SPTBN4: variants seen among roughly 807,000 people sequenced by gnomAD.
The protein encoded by SPTBN4 is spectrin beta chain, non-erythrocytic 4.
SPTBN4 carries 96 observed loss-of-function variants against 277.8 expected under a neutral mutation model. The ratio of observed to expected loss-of-function variants is 0.35; its 90% CI spans 0.29 to 0.41. The LOEUF is 0.41. Ranked by LOEUF, SPTBN4 falls within the 10% of genes least tolerant of loss-of-function variation. The probability of loss-of-function intolerance (pLI) is 1.00; values close to 1 mark genes in which losing one functional copy is unlikely to be tolerated. For missense variants in SPTBN4, 3,006 were observed against 3,595.7 expected (o/e 0.84, Z 4.19); for synonymous variants, 1,481 against 1,580.3 (o/e 0.94, Z 1.49).
intron 13 of SPTBN4, among the ~76,000 whole-genome samples, chr19:40,507,488 G>C (rs908156239): frequency 6.6e-6 from 1 of 151,698 alleles, no homozygotes; most frequent in Non-Finnish European, 1.5e-5. Flanking sequence ...AGGATTGCTT[G>C]AGGCCAGGAG....
Position 40,566,304 on chromosome 19 carries a change from G to C in SPTBN4, c.6281G>C (p.Arg2094Pro). 6.3e-7 allele frequency: 1 copy of C among 1,594,214 alleles called. No individual in the cohort carries two copies. Among genetic ancestry groups the C allele is most frequent in the Non-Finnish European group, 8.5e-7 (1 of 1,170,394 alleles). Residue 2094 changes from arginine (R) to proline (P), a missense_variant, in exon 30 of 36, where the codon CGC (arginine) becomes CCC (proline). Around this residue, in one of 5 missense-constraint regions of SPTBN4, gnomAD observed 630 missense variants for 677.6 expected, o/e 0.93. Coordinates refer to ENST00000598249, the MANE Select transcript of SPTBN4 (RefSeq NM_020971.3). ...EQLIRRHEAF[R>P]KAAAAWEERF... is the part of the protein sequence containing the mutation. ...CTTATCCGGCGACATGAGGCCTTCCGCAAAGCGGCTGCAGCCTGGGAAGAG... is the reference window on the plus strand; with the variant it reads ...CTTATCCGGCGACATGAGGCCTTCCCCAAAGCGGCTGCAGCCTGGGAAGAG...
Position 40,531,220 on chromosome 19 carries a change from A to G in SPTBN4, c.3949-1405A>G, listed in dbSNP as rs368779632. On this transcript the variant is annotated intron_variant, in intron 18 of 35. Transcript: ENST00000598249. The stretch of plus-strand genomic sequence containing the variant: ...CCATCTCTTTAAGGGCTCTGCTTTC[A>G]CTGCGGGCTGTGGTTGCCGTTGGAC... Among the ~76,000 whole-genome samples the G allele has an allele frequency of 1.2e-4, 18 of 152,072 alleles. 1 individual carries two copies. The highest frequency in any genetic ancestry group is 4.3e-4 in the African/African-American group (18 of 41,478).
At chr19:40,575,337 C>T in intron 35 of SPTBN4, 74 bp from the exon 36 acceptor site, 1 of 1,509,602 alleles carries the variant, frequency 6.6e-7, no homozygotes, top group South Asian at 1.2e-5. Flanking sequence ...AGAGGGTAGT[C>T]TGATCTGAAA....
At chr19:40,534,847 T>C (rs2080717205) in intron 20 of SPTBN4, 1 of 165,922 alleles carries the variant, frequency 6.0e-6, no homozygotes, top group Admixed American at 5.6e-5. Flanking sequence ...GACACACAGC[T>C]AACCAGTGTC....
In SPTBN4 at chr19:40,519,870, G is replaced by A. The variant is rs1333628430; in HGVS notation, c.3373G>A (p.Ala1125Thr). The A allele has an allele frequency of 1.3e-6, 2 of 1,498,110 alleles. No homozygotes were observed. Among genetic ancestry groups the A allele is most frequent in the Non-Finnish European group, 1.8e-6 (2 of 1,133,914 alleles). The allele number at this position is 1,498,110 out of a possible 1,614,324, so 92.8% of individuals were successfully genotyped here. ...GCCCCTGCCCAACAGCCTAGAAGAGGCGGACGCGCTGCTGGCGCGCCACGC... is the reference window on the plus strand; with the variant it reads ...GCCCCTGCCCAACAGCCTAGAAGAGACGGACGCGCTGCTGGCGCGCCACGC... The part of the protein sequence containing the change: ...EGPLPNSLEE[A>T]DALLARHAAL... The change falls in exon 16 of 36, where the codon GCG (alanine) becomes ACG (threonine). Residue 1125 changes from alanine to threonine, a missense_variant. Ala to Thr is a moderately conservative substitution (Grantham distance 58, BLOSUM62 0). Coordinates refer to ENST00000598249, the MANE Select transcript of SPTBN4 (RefSeq NM_020971.3). This position sits in a 1 kb window ranked among gnomAD's most constrained non-coding sequence, Gnocchi z 5.7.
intron 3 of SPTBN4, among the ~76,000 whole-genome samples, chr19:40,489,780 T>TG (rs1555811083): frequency 0.016 from 2,471 of 152,036 alleles, 74 homozygotes; most frequent in African/African-American, 0.058. Context: ...GGCTTCATGA[T>TG]GGGGGCGTGG....
chr19:40,540,814 CAAAAAAAA>C (rs58695945), intron 20 of SPTBN4, among the ~76,000 whole-genome samples: 4 of 79,338 alleles, frequency 5.0e-5, no homozygotes, highest in South Asian at 1.0e-3. Flanking sequence ...ACCCCCATCT[CAAAAAAAA>C]AAAAAAAAAA....
chr19:40,541,808 G>A (rs576654787), intron 20 of SPTBN4, among the ~76,000 whole-genome samples: 3 of 151,148 alleles, frequency 2.0e-5, no homozygotes, highest in Admixed American at 6.6e-5. Context: ...GCAGTGGCGC[G>A]ATCTTGGCTC....
intron 4 of SPTBN4, among the ~76,000 whole-genome samples, chr19:40,492,387 A>G (rs2080148595): frequency 6.6e-6 from 1 of 152,136 alleles, no homozygotes; most frequent in Non-Finnish European, 1.5e-5. Context: ...GGGATGTTCC[A>G]GGTAGATGGA....
intron 20 of SPTBN4, among the ~76,000 whole-genome samples, chr19:40,541,289 C>T (rs1490604277): frequency 6.6e-6 from 1 of 152,100 alleles, no homozygotes; most frequent in African/African-American, 2.4e-5. Context: ...GGGCTGAAGC[C>T]CAGAGGAGAC....
At chr19:40,500,079 C>T (rs1317929891) in intron 7 of SPTBN4, among the ~76,000 whole-genome samples, 1 of 149,902 alleles carries the variant, frequency 6.7e-6, no homozygotes, top group Non-Finnish European at 1.5e-5. Context: ...CCCATATCTA[C>T]AAACCTGTAG....
intron 27 of SPTBN4, among the ~76,000 whole-genome samples, chr19:40,563,220 AT>A (rs879536950): frequency 6.9e-4 from 102 of 148,260 alleles, no homozygotes; most frequent in Non-Finnish European, 1.1e-3. Flanking sequence ...TTAAAAAAAA[AT>A]TTTTTTTTTT....
intron 25 of SPTBN4, 68 bp downstream of exon 25, chr19:40,556,356 A>C: frequency 7.1e-7 from 1 of 1,411,018 alleles, no homozygotes; most frequent in Non-Finnish European, 9.7e-7. Flanking sequence ...TAGTTTCCTC[A>C]TCTGTAGTAT....
chr19:40,483,964 C>T (rs940172414), intron 2 of SPTBN4, among the ~76,000 whole-genome samples: 2 of 141,700 alleles, frequency 1.4e-5, no homozygotes, highest in Non-Finnish European at 3.0e-5. Flanking sequence ...CATCGCAAAG[C>T]TCTTCGCAAA....
intron 29 of SPTBN4, 41 bp downstream of exon 29, chr19:40,565,786 G>A: frequency 6.5e-7 from 1 of 1,543,676 alleles, no homozygotes; most frequent in Non-Finnish European, 8.8e-7. Context: ...AGGGCACAGG[G>A]ACATGCTCCA....
rs892333357 is a variant in SPTBN4 at position 40,515,062 on chromosome 19, G to A, written c.2766-249G>A. ...AGAGGTTGCAGTGAGCCACAATCGC[G>A]CCACTGCACTCCAGCCTGGGTGACA... On this transcript the variant is annotated intron_variant, in intron 14 of 35. Coordinates refer to ENST00000598249, the MANE Select transcript of SPTBN4 (RefSeq NM_020971.3). The surrounding 1 kb of genome is among the most constrained non-coding windows in gnomAD (Gnocchi z 4.1). Among the ~76,000 whole-genome samples, 16 of 152,004 alleles carry A rather than the reference G, an allele frequency of 1.1e-4. No homozygotes were observed. Among genetic ancestry groups the A allele is most frequent in the African/African-American group, 3.6e-4 (15 of 41,388 alleles).
At chr19:40,478,513 C>T (rs574468827) in intron 2 of SPTBN4, among the ~76,000 whole-genome samples, 18 of 152,206 alleles carry the variant, frequency 1.2e-4, no homozygotes, top group African/African-American at 4.1e-4. Context: ...CCAGCTTGGG[C>T]AACAGAGTGA....
Position 40,519,691 on chromosome 19 carries a change from A to C in SPTBN4, c.3194A>C (p.Glu1065Ala). ...QAARLHQGAE[E>A]LGAEWGALAS... ...GCGCGGCTGCACCAGGGCGCGGAGG[A>C]GCTGGGCGCCGAGTGGGGCGCGCTA... The change falls in exon 16 of 36, where the codon GAG becomes GCG. Residue 1065 changes from glutamate (E) to alanine (A), a missense_variant. Glu to Ala is a moderately radical substitution (Grantham distance 107). Coordinates refer to ENST00000598249, the MANE Select transcript of SPTBN4 (RefSeq NM_020971.3). The surrounding 1 kb of genome is among the most constrained non-coding windows in gnomAD (Gnocchi z 5.7). The C allele has an allele frequency of 7.2e-7, 1 of 1,388,088 alleles. No homozygotes were observed. Among genetic ancestry groups the C allele is most frequent in the Non-Finnish European group, 9.2e-7 (1 of 1,081,998 alleles). The allele number at this position is 1,388,088 out of a possible 1,614,324, so 86.0% of individuals were successfully genotyped here. A position where few individuals can be genotyped will look rare whatever the true frequency, so the allele number is the denominator to read the frequency against.
intron 18 of SPTBN4, among the ~76,000 whole-genome samples, chr19:40,529,408 T>A (rs973176445): frequency 1.3e-5 from 2 of 152,138 alleles, no homozygotes; most frequent in Non-Finnish European, 2.9e-5. Context: ...CGCGCGCTGA[T>A]CTCACCTTTC....
Sources: gnomAD v4.1 joint callset for allele counts (sites outside exome capture counted in the v4.1 genomes callset) on GRCh38, gnomAD v4.1.1 for gene constraint, gnomAD v4.1.1 regional missense constraint, Gnocchi (gnomAD v3.1) non-coding constraint, MANE v1.5 for transcripts, NCBI Gene and HGNC (gene_info 2026-07-23, HGNC 2026-07-21) for gene names.